Variants in PCDHGA7 observed in about 807,000 individuals in gnomAD.
PCDHGA7 encodes the protein protocadherin gamma-A7.
In PCDHGA7, 44 loss-of-function variants were observed where a neutral mutation model predicts 58.3. That is an observed-to-expected ratio of 0.75 (90% CI 0.59 to 0.97). The LOEUF is 0.97. Ranked by LOEUF, PCDHGA7 falls within the 50% of genes least tolerant of loss-of-function variation. PCDHGA7 has a pLI of 0.00. For missense variants in PCDHGA7, 1,266 were observed against 1,188.7 expected (o/e 1.06, Z -0.96); for synonymous variants, 516 against 504.2 (o/e 1.02, Z -0.31).
chr5:141,388,341 A>G, intron 1 of PCDHGA7: 1 of 1,614,036 alleles, frequency 6.2e-7, no homozygotes, highest in Non-Finnish European at 8.5e-7. Flanking sequence ...CACACGATTT[A>G]TATTAGGATC....
Position 141,393,820 on chromosome 5 carries a change from CG to C in PCDHGA7, c.2424+8499del, listed in dbSNP as rs370400807. Reference sequence around the variant, plus strand: ...CTGGGGAGGACCAAATTGCTCATTTCGGTGGAAGATGTAAATGACAATAGAC... The same window carrying C: ...CTGGGGAGGACCAAATTGCTCATTTCGTGGAAGATGTAAATGACAATAGAC... On this transcript the variant is annotated intron_variant, in intron 1 of 3. Transcript: ENST00000518325. The C allele has an allele frequency of 9.3e-6, 15 of 1,613,800 alleles. No individual in the cohort carries two copies. In the African/African-American group the frequency reaches 9.3e-5, roughly 10 times the overall value.
chr5:141,431,227 C>A lies in PCDHGA7; in HGVS notation c.2424+45904C>A, dbSNP rs759752051. On this transcript the variant is annotated intron_variant, in intron 1 of 3. Transcript: ENST00000518325. This position sits in a 1 kb window ranked among gnomAD's most constrained non-coding sequence, Gnocchi z 4.8. Reference sequence around the variant, plus strand: ...CTGAGATGCGGTTCCCTCTACCCCACGCCTGGGATCCGGATATCGGGAAGA... The same window carrying A: ...CTGAGATGCGGTTCCCTCTACCCCAAGCCTGGGATCCGGATATCGGGAAGA... 6.2e-7 allele frequency: 1 copy of A among 1,614,180 alleles called. No homozygotes were observed. The highest frequency in any genetic ancestry group is 8.5e-7 in the Non-Finnish European group (1 of 1,180,042).
chr5:141,414,715 G>A, intron 1 of PCDHGA7: 1 of 1,614,128 alleles, frequency 6.2e-7, no homozygotes. Context: ...CATCAACTCA[G>A]ACACTGGCGT....
chr5:141,466,928 T>TTAG (rs1231908662), intron 1 of PCDHGA7, among the ~76,000 whole-genome samples: 1 of 152,220 alleles, frequency 6.6e-6, no homozygotes, highest in Non-Finnish European at 1.5e-5. Context: ...ATTAGGAATA[T>TTAG]TAGTCCTTTG....
At chr5:141,410,527 C>T (rs1398639610) in intron 1 of PCDHGA7, 1 of 1,613,920 alleles carries the variant, frequency 6.2e-7, no homozygotes, top group East Asian at 2.2e-5. Context: ...CCCTACATTC[C>T]AATGAAGACA....
chr5:141,409,803 C>T (rs779815582), intron 1 of PCDHGA7: 3 of 1,611,528 alleles, frequency 1.9e-6, no homozygotes, highest in African/African-American at 1.3e-5. Flanking sequence ...ACGCTGCAGG[C>T]CCGCGACCAC....
intron 1 of PCDHGA7, chr5:141,409,179 G>T (rs761754962): frequency 1.2e-5 from 20 of 1,613,988 alleles, no homozygotes; most frequent in Non-Finnish European, 1.6e-5. Context: ...GACGGAGGTG[G>T]TCTCTCTACC....
intron 1 of PCDHGA7, chr5:141,395,463 C>G (rs1164636639): frequency 6.9e-6 from 4 of 582,400 alleles, no homozygotes; most frequent in African/African-American, 5.7e-5. Flanking sequence ...CCATTTTAAG[C>G]CTTCCAGTAT....
intron 1 of PCDHGA7, chr5:141,411,955 A>C (rs1427605209): frequency 6.6e-5 from 10 of 152,244 alleles, no homozygotes; most frequent in African/African-American, 1.2e-4. Context: ...TTTGAAGAAA[A>C]AAGATAAAAT....
At chr5:141,470,383 G>A (rs569789033) in intron 1 of PCDHGA7, among the ~76,000 whole-genome samples, 7 of 152,246 alleles carry the variant, frequency 4.6e-5, no homozygotes, top group South Asian at 2.1e-4. Context: ...AAGACTACTC[G>A]ATGATATTTA....
intron 1 of PCDHGA7, chr5:141,389,259 G>C (rs374136353): frequency 6.2e-7 from 1 of 1,613,888 alleles, no homozygotes; most frequent in Non-Finnish European, 8.5e-7. Flanking sequence ...TATAGTCCAC[G>C]TGGCCGAGAA....
intron 1 of PCDHGA7, chr5:141,412,531 T>G (rs534627173): frequency 1.7e-4 from 26 of 152,304 alleles, no homozygotes; most frequent in African/African-American, 5.8e-4. Flanking sequence ...GTTACAATTA[T>G]AAAGCTTCAG....
At chr5:141,421,417 G>A (rs1188564125) in intron 1 of PCDHGA7, 2 of 1,613,950 alleles carry the variant, frequency 1.2e-6, no homozygotes, top group Non-Finnish European at 1.7e-6. Context: ...GGCGAAGCGC[G>A]GAGTCCGCAT....
At chr5:141,415,904 C>T in intron 1 of PCDHGA7, 1 of 833,428 alleles carries the variant, frequency 1.2e-6, no homozygotes, top group Non-Finnish European at 1.6e-6. Context: ...AGACAGACTT[C>T]CATACAGAAG....
intron 1 of PCDHGA7, chr5:141,427,757 C>A: frequency 7.5e-7 from 1 of 1,340,702 alleles, no homozygotes; most frequent in Non-Finnish European, 1.1e-6. Flanking sequence ...CCATCGTTAC[C>A]ACTGACTTGG....
In PCDHGA7 at chr5:141,490,081, T is replaced by A; in HGVS notation, c.2425-4726T>A. Reference sequence around the variant, plus strand: ...CACCAACGGCCAACTAGACTATTCTTTTGGAGACCACACATCTGAGGCAGT... The same window carrying A: ...CACCAACGGCCAACTAGACTATTCTATTGGAGACCACACATCTGAGGCAGT... On this transcript the variant is annotated intron_variant, in intron 1 of 3. Coordinates refer to ENST00000518325, the MANE Select transcript of PCDHGA7 (RefSeq NM_018920.4). The surrounding 1 kb of genome is among the most constrained non-coding windows in gnomAD (Gnocchi z 5.4). 3 of 1,614,216 alleles carry A rather than the reference T, an allele frequency of 1.9e-6. No homozygotes were observed. Among genetic ancestry groups the A allele is most frequent in the Non-Finnish European group, 2.5e-6 (3 of 1,180,040 alleles).
chr5:141,481,733 C>A (rs2099543522), intron 1 of PCDHGA7, among the ~76,000 whole-genome samples: 1 of 152,078 alleles, frequency 6.6e-6, no homozygotes, highest in Admixed American at 6.6e-5. Context: ...GCGGGCGGAT[C>A]ACGAGGTCAG....
At chr5:141,414,781 G>A (rs755811755) in intron 1 of PCDHGA7, 1 of 1,614,230 alleles carries the variant, frequency 6.2e-7, no homozygotes, top group Admixed American at 1.7e-5. Context: ...ACAGATGCAG[G>A]TGACAGCCAG....
Position 141,413,313 on chromosome 5 carries a change from C to T in PCDHGA7, c.2424+27990C>T, listed in dbSNP as rs1346034749. The T allele has an allele frequency of 1.9e-6, 3 of 1,613,842 alleles. No homozygotes were observed. The African/African-American group carries it at 4.0e-5, about 22-fold the overall frequency. On this transcript the variant is annotated intron_variant, in intron 1 of 3. Transcript: ENST00000518325. The stretch of plus-strand genomic sequence containing the variant: ...CAATTCCTGAGGAATTAGAGAAAGG[C>T]TCTTTCGTGGGCAACATCTCCAAGG...
Sources: gnomAD v4.1 joint callset for allele counts (sites outside exome capture counted in the v4.1 genomes callset) on GRCh38, gnomAD v4.1.1 for gene constraint, Gnocchi (gnomAD v3.1) non-coding constraint, MANE v1.5 for transcripts, NCBI Gene and HGNC (gene_info 2026-07-23, HGNC 2026-07-21) for gene names.